The following KLHL1 variants were observed in gnomAD, a reference collection of about 807,000 sequenced individuals.
KLHL1 encodes the protein kelch like family member 1.
In KLHL1, 47 loss-of-function variants were observed where a neutral mutation model predicts 77.7. The ratio of observed to expected loss-of-function variants is 0.60; its 90% confidence interval spans 0.48 to 0.77. KLHL1 has a LOEUF of 0.77. Ranked by LOEUF, KLHL1 falls within the 30% of genes least tolerant of loss-of-function variation. KLHL1 has a pLI of 0.00. For missense variants in KLHL1, 925 were observed against 910.8 expected (o/e 1.02, Z -0.20); for synonymous variants, 360 against 325.2 (o/e 1.11, Z -1.15).
intron 7 of KLHL1, among the ~76,000 whole-genome samples, chr13:69,786,025 C>T (rs574884245): frequency 2.2e-4 from 33 of 152,118 alleles, no homozygotes; most frequent in Middle Eastern, 3.4e-3. Flanking sequence ...ACAGCTTACC[C>T]CCCAAAAAGA....
rs1033562463 is a variant in KLHL1 at position 69,879,181 on chromosome 13, G to A, written c.1227+3102C>T. ...TAACAAACCTGCACGTTGTGCACAT[G>A]TACCCTAGAACTTAAAGTATAATAA... On this transcript the variant is annotated intron_variant, in intron 5 of 10. Coordinates refer to ENST00000377844, the MANE Select transcript of KLHL1 (RefSeq NM_020866.3). Among the ~76,000 whole-genome samples the A allele has an allele frequency of 2.0e-5, 3 of 152,044 alleles. No homozygotes were observed. The East Asian group carries it at 5.8e-4, about 29-fold the overall frequency.
At chr13:70,077,407 G>C (rs1462200216) in intron 1 of KLHL1, among the ~76,000 whole-genome samples, 2 of 151,888 alleles carry the variant, frequency 1.3e-5, no homozygotes, top group Admixed American at 1.3e-4. Flanking sequence ...TCTGGAAAAG[G>C]CCAAACTACA....
chr13:69,846,786 C>T (rs983505955), intron 5 of KLHL1, among the ~76,000 whole-genome samples: 3 of 151,224 alleles, frequency 2.0e-5, no homozygotes, highest in Admixed American at 6.6e-5. Flanking sequence ...GTGTTTTAAT[C>T]CTGTGTGCAC....
chr13:70,025,459 C>A (rs1313634217), intron 1 of KLHL1, among the ~76,000 whole-genome samples: 1 of 151,836 alleles, frequency 6.6e-6, no homozygotes, highest in Non-Finnish European at 1.5e-5. Flanking sequence ...TTTTTATGCA[C>A]TTTTCCTAGT....
At chr13:69,734,931 G>A (rs1034425394) in intron 8 of KLHL1, among the ~76,000 whole-genome samples, 1 of 152,066 alleles carries the variant, frequency 6.6e-6, no homozygotes, top group Non-Finnish European at 1.5e-5. Flanking sequence ...ATGCCATGAT[G>A]TTATGCTAAA....
intron 7 of KLHL1, among the ~76,000 whole-genome samples, chr13:69,762,927 A>G (rs1385966074): frequency 6.6e-6 from 1 of 151,992 alleles, no homozygotes; most frequent in East Asian, 1.9e-4. Flanking sequence ...GAAGTTTAGT[A>G]GTAATTTTCT....
chr13:69,750,690 T>C (rs139718548), intron 7 of KLHL1, among the ~76,000 whole-genome samples: 3 of 152,042 alleles, frequency 2.0e-5, no homozygotes, highest in African/African-American at 7.2e-5. Context: ...ATCATGGGCC[T>C]AACACAATGT....
intron 7 of KLHL1, among the ~76,000 whole-genome samples, chr13:69,774,753 T>C (rs907973795): frequency 1.3e-5 from 2 of 152,154 alleles, no homozygotes; most frequent in African/African-American, 4.8e-5. Context: ...TTTTCTTGTA[T>C]ATTAACTTTG....
chr13:69,747,319 T>C (rs1874258026), intron 7 of KLHL1, among the ~76,000 whole-genome samples: 2 of 152,022 alleles, frequency 1.3e-5, no homozygotes, highest in African/African-American at 4.8e-5. Flanking sequence ...TTGATTGTCA[T>C]TGTTTTGGTT....
chr13:69,860,325 G>C (rs1216741224), intron 5 of KLHL1, among the ~76,000 whole-genome samples: 1 of 151,964 alleles, frequency 6.6e-6, no homozygotes, highest in Non-Finnish European at 1.5e-5. Flanking sequence ...AAGTATTCTT[G>C]TATTAAGCAT....
At chr13:69,872,480 G>C (rs1433760719) in intron 5 of KLHL1, among the ~76,000 whole-genome samples, 2 of 152,132 alleles carry the variant, frequency 1.3e-5, no homozygotes, top group Non-Finnish European at 2.9e-5. Context: ...CCTGAGAGGA[G>C]TTATATCTTC....
At chr13:70,004,993 C>A (rs1885374168) in intron 1 of KLHL1, among the ~76,000 whole-genome samples, 1 of 151,488 alleles carries the variant, frequency 6.6e-6, no homozygotes, top group African/African-American at 2.4e-5. Flanking sequence ...CCAGTTAATG[C>A]AATGTCATAA....
At chr13:70,023,873 T>C (rs1885865002) in intron 1 of KLHL1, among the ~76,000 whole-genome samples, 1 of 151,934 alleles carries the variant, frequency 6.6e-6, no homozygotes, top group Non-Finnish European at 1.5e-5. Flanking sequence ...TGTCATAACA[T>C]GTTGGGTTGT....
chr13:69,786,350 A>G (rs2138016767), intron 7 of KLHL1, among the ~76,000 whole-genome samples: 1 of 152,338 alleles, frequency 6.6e-6, no homozygotes, highest in African/African-American at 2.4e-5. Flanking sequence ...GGCTGGTTCA[A>G]TATACGTGAA....
intron 5 of KLHL1, among the ~76,000 whole-genome samples, chr13:69,866,499 A>G (rs567217922): frequency 1.3e-5 from 2 of 152,202 alleles, no homozygotes; most frequent in African/African-American, 4.8e-5. Flanking sequence ...GTGATTCCCT[A>G]GTGTTTCTGT....
intron 1 of KLHL1, among the ~76,000 whole-genome samples, chr13:70,073,416 G>A (rs543004903): frequency 1.3e-5 from 2 of 152,078 alleles, no homozygotes; most frequent in Non-Finnish European, 2.9e-5. Flanking sequence ...TGTGGGGTTC[G>A]GGGAGGGAGG....
intron 1 of KLHL1, among the ~76,000 whole-genome samples, chr13:70,039,175 G>C (rs2501208): frequency 0.98 from 149,248 of 151,802 alleles, 73,388 homozygotes; most frequent in East Asian, 1. Flanking sequence ...TTGAAGAGAT[G>C]CTCCAACCTC....
chr13:69,786,969 A>G (rs980448772), intron 7 of KLHL1, among the ~76,000 whole-genome samples: 1 of 152,234 alleles, frequency 6.6e-6, no homozygotes. Flanking sequence ...GACCTCTTCA[A>G]GGAGAATTAC....
chr13:70,064,281 A>G (rs1886957392), intron 1 of KLHL1, among the ~76,000 whole-genome samples: 1 of 152,214 alleles, frequency 6.6e-6, no homozygotes, highest in Admixed American at 6.5e-5. Flanking sequence ...TTTTAGAAAT[A>G]TAATCTCAGC....
Sources: allele counts gnomAD v4.1 joint callset (sites outside exome capture counted in the v4.1 genomes callset), GRCh38; gene constraint gnomAD v4.1.1; transcripts MANE v1.5; gene names NCBI Gene and HGNC (gene_info 2026-07-23, HGNC 2026-07-21).